Variants in FMN2 observed in about 807,000 individuals in gnomAD.
The protein encoded by FMN2 is formin-2.
A neutral mutation model predicts 142.3 loss-of-function variants in FMN2; 51 were observed. That is an observed-to-expected ratio of 0.36 (90% CI 0.29 to 0.45). The LOEUF (loss-of-function observed/expected upper bound fraction) is 0.45, where lower values mean the gene tolerates loss of function less well. FMN2 is among the 20% of genes least tolerant of loss of function. The pLI is 1.00. For missense variants in FMN2, 1,936 were observed against 2,122.8 expected, an observed-to-expected ratio of 0.91 and a Z score of 1.73; for synonymous variants, 882 against 869.8, an observed-to-expected ratio of 1.01 and a Z score of -0.25.
At chr1:240,266,807 A>G (rs1474225802) in intron 7 of FMN2, among the ~76,000 whole-genome samples, 2 of 152,034 alleles carry the variant, frequency 1.3e-5, no homozygotes, top group Non-Finnish European at 2.9e-5. Context: ...ATCTACAGTC[A>G]TCCAATCTTC....
chr1:240,184,236 C>CTTTTTTTTTTTTTTTT (rs34050336), intron 3 of FMN2, among the ~76,000 whole-genome samples: 6 of 79,450 alleles, frequency 7.6e-5, no homozygotes, highest in East Asian at 4.2e-4. Flanking sequence ...AATATTTAAC[C>CTTTTTTTTTTTTTTTT]TTTTTTTTTT....
At chr1:240,325,004 A>G (rs1671113791) in intron 8 of FMN2, among the ~76,000 whole-genome samples, 1 of 152,172 alleles carries the variant, frequency 6.6e-6, no homozygotes, top group Admixed American at 6.5e-5. Flanking sequence ...ATTCAGGTGT[A>G]CCACTACCAT....
chr1:240,252,296 T>G (rs931441332), intron 6 of FMN2, among the ~76,000 whole-genome samples: 1 of 152,176 alleles, frequency 6.6e-6, no homozygotes, highest in Non-Finnish European at 1.5e-5. Flanking sequence ...TAGTTTTCTA[T>G]AGTGGCAACA....
chr1:240,134,511 G>A (rs572579197), intron 2 of FMN2, among the ~76,000 whole-genome samples: 1 of 151,996 alleles, frequency 6.6e-6, no homozygotes, highest in Non-Finnish European at 1.5e-5. Flanking sequence ...TGTAGTCCCA[G>A]CTATTGGAGA....
At chr1:240,200,688 G>T (rs1001645554) in intron 4 of FMN2, among the ~76,000 whole-genome samples, 9 of 152,088 alleles carry the variant, frequency 5.9e-5, no homozygotes, top group Admixed American at 1.3e-4. Context: ...GGGATTTTAG[G>T]GTGCAGGTAA....
chr1:240,362,497 T>C (rs1191590672), intron 14 of FMN2, among the ~76,000 whole-genome samples: 2 of 152,206 alleles, frequency 1.3e-5, no homozygotes, highest in Non-Finnish European at 2.9e-5. Flanking sequence ...CTCTCAGAAC[T>C]CAGTACACTC....
chr1:240,149,758 G>A (rs1023988891), intron 2 of FMN2, among the ~76,000 whole-genome samples: 8 of 152,112 alleles, frequency 5.3e-5, no homozygotes, highest in African/African-American at 1.4e-4. Context: ...ACAGGAAGGC[G>A]TCTTAAAATT....
At chr1:240,321,280 T>G (rs924660188) in intron 8 of FMN2, among the ~76,000 whole-genome samples, 3 of 152,068 alleles carry the variant, frequency 2.0e-5, no homozygotes, top group African/African-American at 7.2e-5. Flanking sequence ...GGAAAACCAC[T>G]CAGAGTATTT....
intron 8 of FMN2, among the ~76,000 whole-genome samples, chr1:240,296,441 T>C (rs1328318017): frequency 1.2e-3 from 168 of 141,962 alleles, no homozygotes; most frequent in African/African-American, 4.3e-3. Context: ...TTGAGTGCTT[T>C]TTTTTTTTTT....
At chr1:240,348,827 GTT>G (rs1292636503) in intron 13 of FMN2, among the ~76,000 whole-genome samples, 1 of 152,198 alleles carries the variant, frequency 6.6e-6, no homozygotes, top group East Asian at 1.9e-4. Context: ...AGACATCAAT[GTT>G]TTTACTGTTT....
intron 16 of FMN2, among the ~76,000 whole-genome samples, chr1:240,442,190 T>C (rs536601737): frequency 6.6e-6 from 1 of 152,298 alleles, no homozygotes; most frequent in Non-Finnish European, 1.5e-5. Flanking sequence ...ACCACCCCTC[T>C]GTAGCTTAGC....
intron 2 of FMN2, among the ~76,000 whole-genome samples, chr1:240,158,599 C>T (rs904381085): frequency 2.6e-5 from 4 of 152,006 alleles, no homozygotes; most frequent in Admixed American, 1.3e-4. Context: ...ACTGCATCTC[C>T]CCCCCACCAC....
In FMN2 at chr1:240,093,016, G is replaced by C. The variant is rs1032655654; in HGVS notation, c.907G>C (p.Glu303Gln). 10 of 1,396,278 alleles carry C rather than the reference G, an allele frequency of 7.2e-6. No homozygotes were observed. The highest frequency in any genetic ancestry group is 9.2e-6 in the Non-Finnish European group (10 of 1,083,686). 86.5% of individuals were successfully genotyped at this position (1,396,278 alleles called of 1,614,324 possible). Residue 303 changes from glutamate to glutamine, a missense_variant, in exon 1 of 18, where the codon GAG (glutamate) becomes CAG (glutamine). By Grantham distance (29) the Glu-to-Gln change is conservative. Transcript: ENST00000319653. ...PPSPGGLPVSEAPSLPAAQPA... is the reference protein window; with the variant it reads ...PPSPGGLPVSQAPSLPAAQPA... ...GTCCCCCGGCGGCCTCCCGGTCTCC[G>C]AGGCGCCCAGTCTCCCGGCAGCGCA...
chr1:240,359,737 C>T (rs944612885), intron 14 of FMN2, among the ~76,000 whole-genome samples: 3 of 152,182 alleles, frequency 2.0e-5, no homozygotes, highest in African/African-American at 4.8e-5. Context: ...TGTAAAGGTG[C>T]TAGATATGTA....
At chr1:240,317,494 G>A in intron 8 of FMN2, among the ~76,000 whole-genome samples, 1 of 152,010 alleles carries the variant, frequency 6.6e-6, no homozygotes, top group East Asian at 1.9e-4. Context: ...GAATCATACG[G>A]TATATAACCT....
At chr1:240,264,041 G>C (rs560992826) in intron 7 of FMN2, among the ~76,000 whole-genome samples, 1 of 152,244 alleles carries the variant, frequency 6.6e-6, no homozygotes, top group East Asian at 1.9e-4. Flanking sequence ...CAATAAAATT[G>C]TAGTTATTTT....
rs1663325209 is a variant in FMN2 at position 240,144,143 on chromosome 1, T to C, written c.1782+20798T>C. ...CCCACAGCAGCAGCATCCCAACAGA[T>C]GCAGCTGCACTCAACATTCCGTGGT... On this transcript the variant is annotated intron_variant, in intron 2 of 17. Transcript: ENST00000319653. 3 of 1,307,832 alleles carry C rather than the reference T, an allele frequency of 2.3e-6. No homozygotes were observed. The Admixed American group carries it at 5.0e-5, about 22-fold the overall frequency. The allele number at this position is 1,307,832 out of a possible 1,614,324, so 81.0% of individuals were successfully genotyped here.
chr1:240,274,067 A>G (rs974609801), intron 7 of FMN2, among the ~76,000 whole-genome samples: 2 of 152,020 alleles, frequency 1.3e-5, no homozygotes, highest in African/African-American at 2.4e-5. Context: ...ATTTCTTCCA[A>G]TGCTTCAGCA....
intron 9 of FMN2, 34 bp from the exon 10 acceptor site, chr1:240,329,305 T>C (rs769343200): frequency 3.1e-6 from 5 of 1,607,446 alleles, no homozygotes; most frequent in East Asian, 2.2e-5. Context: ...ATGTGAATTA[T>C]ATTTTTCTTC....
Sources: gnomAD v4.1 joint callset for allele counts (sites outside exome capture counted in the v4.1 genomes callset) on GRCh38, gnomAD v4.1.1 for gene constraint, MANE v1.5 for transcripts, NCBI Gene and HGNC (gene_info 2026-07-23, HGNC 2026-07-21) for gene names.